SSBP2: variants seen among roughly 807,000 people sequenced by gnomAD.
The protein encoded by SSBP2 is single stranded DNA binding protein 2, also known as single-stranded DNA-binding protein 2.
Under a neutral mutation model 61.8 loss-of-function variants are expected in SSBP2, and 17 were observed. The ratio of observed to expected loss-of-function variants is 0.28; its 90% CI spans 0.19 to 0.41. SSBP2 has a LOEUF of 0.41. SSBP2 is among the 10% of genes least tolerant of loss of function. The probability of loss-of-function intolerance (pLI) is 1.00; values close to 1 mark genes in which losing one functional copy is unlikely to be tolerated. For missense variants in SSBP2, 310 were observed against 458.7 expected, an observed-to-expected ratio of 0.68 and a Z score of 2.96; for synonymous variants, 139 against 141.3, an observed-to-expected ratio of 0.98 and a Z score of 0.12.
intron 4 of SSBP2, among the ~76,000 whole-genome samples, chr5:81,528,106 G>T (rs927722961): frequency 6.6e-6 from 1 of 151,902 alleles, no homozygotes; most frequent in Non-Finnish European, 1.5e-5. Context: ...TTTGTTTTCA[G>T]TCCGAAAATA....
At chr5:81,641,494 C>T (rs757294218) in intron 2 of SSBP2, among the ~76,000 whole-genome samples, 10 of 152,034 alleles carry the variant, frequency 6.6e-5, no homozygotes, top group Non-Finnish European at 1.0e-4. Flanking sequence ...ACATAAAATC[C>T]ACCCTTTTAT....
intron 1 of SSBP2, among the ~76,000 whole-genome samples, chr5:81,742,465 A>G (rs372325045): frequency 6.6e-6 from 1 of 152,234 alleles, no homozygotes; most frequent in East Asian, 1.9e-4. Context: ...TTCCACAAAT[A>G]CATAATCACA....
intron 4 of SSBP2, among the ~76,000 whole-genome samples, chr5:81,592,203 G>A (rs915289994): frequency 8.5e-5 from 13 of 152,218 alleles, no homozygotes; most frequent in South Asian, 2.1e-4. Context: ...CACTTGGCTC[G>A]GAGGGTCCTA....
intron 4 of SSBP2, among the ~76,000 whole-genome samples, chr5:81,527,506 G>A (rs1770036676): frequency 6.6e-6 from 1 of 152,038 alleles, no homozygotes. Context: ...AATCAAGTTT[G>A]AGGGAAGGAG....
intron 4 of SSBP2, among the ~76,000 whole-genome samples, chr5:81,583,604 T>C (rs1177244256): frequency 1.6e-4 from 22 of 133,416 alleles, no homozygotes. Flanking sequence ...CACTCCAGCC[T>C]GGGCGACAGA....
At chr5:81,575,604 A>G (rs1414071299) in intron 4 of SSBP2, among the ~76,000 whole-genome samples, 1 of 152,172 alleles carries the variant, frequency 6.6e-6, no homozygotes, top group Non-Finnish European at 1.5e-5. Context: ...ACAAGGAAGG[A>G]ACAGGAAACA....
rs1755412201 is a variant in SSBP2, at chr5:81,719,643, AAG to A, written c.62+31336_62+31337del. 2.0e-5 allele frequency among the ~76,000 whole-genome samples: 3 copies of A among 152,290 alleles called. No individual in the cohort carries two copies. In the East Asian group the frequency reaches 5.8e-4, roughly 29 times the overall value. On this transcript the variant is annotated intron_variant, in intron 1 of 16. Coordinates refer to ENST00000320672, the MANE Select transcript of SSBP2 (RefSeq NM_012446.5). ...GCACAGAGACAACTGCCTTGGGAAG[AAG>A]AGTTTATTACTCGCAGTTCTAGGAG...
At position 81,501,533 on chromosome 5, in the gene SSBP2, T is replaced by C. The variant is rs990086042; in HGVS notation, c.372+12095A>G. 1.0e-3 allele frequency among the ~76,000 whole-genome samples: 154 copies of C among 149,336 alleles called. 1 individual carries two copies. Among genetic ancestry groups the C allele is most frequent in the African/African-American group, 3.6e-3 (146 of 41,020 alleles). On this transcript the variant is annotated intron_variant, in intron 5 of 16. Transcript: ENST00000320672. Reference sequence around the variant, plus strand: ...AAGGGTATTCAGTTACTCTATTCCCTGGTGTTGTTTCCTTTTCTTTCTTTC... The same window carrying C: ...AAGGGTATTCAGTTACTCTATTCCCCGGTGTTGTTTCCTTTTCTTTCTTTC...
At chr5:81,709,881 G>A (rs1754652414) in intron 1 of SSBP2, among the ~76,000 whole-genome samples, 1 of 151,792 alleles carries the variant, frequency 6.6e-6, no homozygotes, top group Non-Finnish European at 1.5e-5. Context: ...AGTTTGTCTG[G>A]GATGCAGTCT....
chr5:81,737,890 C>G (rs915198377), intron 1 of SSBP2, among the ~76,000 whole-genome samples: 1 of 152,048 alleles, frequency 6.6e-6, no homozygotes, highest in Non-Finnish European at 1.5e-5. Context: ...ACTCCCTTTC[C>G]TTGATTTCTG....
intron 6 of SSBP2, among the ~76,000 whole-genome samples, chr5:81,483,869 A>G (rs543774895): frequency 6.6e-6 from 1 of 152,164 alleles, no homozygotes. Flanking sequence ...CAGCAATTTA[A>G]ATTTAATTAA....
chr5:81,603,687 G>T (rs1309998539), intron 4 of SSBP2, among the ~76,000 whole-genome samples: 1 of 152,060 alleles, frequency 6.6e-6, no homozygotes. Flanking sequence ...TAAAAAGAAT[G>T]TACTAAAATC....
At chr5:81,652,503 C>T (rs963869132) in intron 1 of SSBP2, among the ~76,000 whole-genome samples, 1 of 152,136 alleles carries the variant, frequency 6.6e-6, no homozygotes, top group Non-Finnish European at 1.5e-5. Flanking sequence ...TGAGCCCATC[C>T]TCCTACCATT....
chr5:81,627,929 G>T (rs1747331336), intron 3 of SSBP2, among the ~76,000 whole-genome samples: 1 of 152,058 alleles, frequency 6.6e-6, no homozygotes, highest in African/African-American at 2.4e-5. Context: ...GCTGGGCATG[G>T]TGATATGCTC....
chr5:81,709,697 T>C (rs1374953535), intron 1 of SSBP2, among the ~76,000 whole-genome samples: 1 of 151,932 alleles, frequency 6.6e-6, no homozygotes. Flanking sequence ...GTTTTCCCTT[T>C]TAATTTAAAA....
chr5:81,680,382 A>T (rs1752298854), intron 1 of SSBP2, among the ~76,000 whole-genome samples: 1 of 149,116 alleles, frequency 6.7e-6, no homozygotes, highest in African/African-American at 2.4e-5. Flanking sequence ...TATATAACAT[A>T]ATCTATAGGT....
rs11957578 is a variant in SSBP2 at position 81,540,644 on chromosome 5, G to A, written c.283-26927C>T. On this transcript the variant is annotated intron_variant, in intron 4 of 16. Transcript: ENST00000320672. ...TTTGTAGATTCTGGAACTAAGGTAT[G>A]TACATTGTTTCTTTAGGTATAATGC... 4.9e-3 allele frequency among the ~76,000 whole-genome samples: 740 copies of A among 152,136 alleles called. 7 individuals are homozygous for A. The highest frequency in any genetic ancestry group is 0.015 in the African/African-American group (629 of 41,514).
chr5:81,747,019 T>G, intron 1 of SSBP2, among the ~76,000 whole-genome samples: 1 of 83,682 alleles, frequency 1.2e-5, no homozygotes, highest in African/African-American at 3.6e-5. Context: ...CAAACAAAAT[T>G]CCTGGGGGGG....
At chr5:81,579,232 TA>T (rs1355453338) in intron 4 of SSBP2, among the ~76,000 whole-genome samples, 196 of 152,016 alleles carry the variant, frequency 1.3e-3, no homozygotes, top group African/African-American at 4.4e-3. Context: ...ACAAGTTTCT[TA>T]TTGTTTTTTT....
Sources: gnomAD v4.1 joint callset for allele counts (sites outside exome capture counted in the v4.1 genomes callset) on GRCh38, gnomAD v4.1.1 for gene constraint, MANE v1.5 for transcripts, NCBI Gene and HGNC (gene_info 2026-07-23, HGNC 2026-07-21) for gene names.